CCSER1: variants seen among roughly 807,000 people sequenced by gnomAD.
The protein encoded by CCSER1 is serine-rich coiled-coil domain-containing protein 1.
Under a neutral mutation model 82.0 loss-of-function variants are expected in CCSER1, and 41 were observed. The observed-to-expected ratio is 0.50, with a 90% CI of 0.39 to 0.65. The LOEUF (loss-of-function observed/expected upper bound fraction) is 0.65. Among genes scored for constraint, CCSER1 ranks in the 30% least tolerant of loss-of-function variants. The pLI is 0.00. For missense variants in CCSER1, 1,119 were observed against 1,064.2 expected, an observed-to-expected ratio of 1.05 and a Z score of -0.72; for synonymous variants, 414 against 383.9, an observed-to-expected ratio of 1.08 and a Z score of -0.92.
chr4:91,194,355 A>G (rs560459272), intron 10 of CCSER1, among the ~76,000 whole-genome samples: 2 of 152,348 alleles, frequency 1.3e-5, no homozygotes, highest in South Asian at 2.1e-4. Flanking sequence ...ACTGTAGATG[A>G]CAGTCCTTAT....
intron 4 of CCSER1, among the ~76,000 whole-genome samples, chr4:90,420,432 T>A (rs1199536789): frequency 6.6e-6 from 1 of 152,010 alleles, no homozygotes; most frequent in Non-Finnish European, 1.5e-5. Flanking sequence ...GGTCACATAG[T>A]TTGCTTGTAA....
chr4:90,331,781 G>T (rs1739327577), intron 3 of CCSER1, among the ~76,000 whole-genome samples: 1 of 151,572 alleles, frequency 6.6e-6, no homozygotes, highest in African/African-American at 2.4e-5. Context: ...CCATGAGCCA[G>T]AAACTGGGCA....
At chr4:91,373,731 G>A (rs1310906211) in intron 10 of CCSER1, among the ~76,000 whole-genome samples, 1 of 152,126 alleles carries the variant, frequency 6.6e-6, no homozygotes, top group African/African-American at 2.4e-5. Flanking sequence ...TAAAAAACTA[G>A]TAATTATTAA....
At chr4:90,267,685 C>T (rs759279962) in intron 1 of CCSER1, among the ~76,000 whole-genome samples, 2 of 152,174 alleles carry the variant, frequency 1.3e-5, no homozygotes, top group Admixed American at 6.5e-5. Flanking sequence ...ACAAGAGTCT[C>T]TCCCTGGTCA....
intron 4 of CCSER1, among the ~76,000 whole-genome samples, chr4:90,466,203 GT>G (rs565514568): frequency 9.2e-5 from 14 of 152,216 alleles, no homozygotes; most frequent in Non-Finnish European, 1.8e-4. Context: ...AATAATGTGG[GT>G]AGGCCTCACA....
At chr4:91,175,767 T>G (rs1046641806) in intron 10 of CCSER1, among the ~76,000 whole-genome samples, 6 of 152,240 alleles carry the variant, frequency 3.9e-5, no homozygotes, top group African/African-American at 1.4e-4. Flanking sequence ...TCTCCCATTC[T>G]GTAGGTTGCC....
intron 10 of CCSER1, among the ~76,000 whole-genome samples, chr4:91,181,795 TA>T (rs1734055626): frequency 2.6e-5 from 4 of 152,206 alleles, no homozygotes. Flanking sequence ...TGTTTACAAA[TA>T]GGTTTTTGAG....
intron 10 of CCSER1, among the ~76,000 whole-genome samples, chr4:91,437,442 G>C (rs1365040140): frequency 6.6e-6 from 1 of 152,236 alleles, no homozygotes; most frequent in East Asian, 1.9e-4. Flanking sequence ...ATAATAAATG[G>C]ACCTCCAGAG....
At chr4:91,473,389 A>C (rs1255013092) in intron 10 of CCSER1, among the ~76,000 whole-genome samples, 1 of 152,134 alleles carries the variant, frequency 6.6e-6, no homozygotes. Context: ...CACAGTAGAA[A>C]TCACAAAAGA....
In CCSER1 at chr4:91,099,774, G is replaced by A. The variant is rs1388963367; in HGVS notation, c.2217+13780G>A. 3.3e-5 allele frequency among the ~76,000 whole-genome samples: 5 copies of A among 152,164 alleles called. No individual in the cohort carries two copies. The East Asian group carries it at 9.6e-4, about 29-fold the overall frequency. On this transcript the variant is annotated intron_variant, in intron 10 of 10. Coordinates refer to ENST00000509176, the MANE Select transcript of CCSER1 (RefSeq NM_001145065.2). The stretch of plus-strand genomic sequence containing the variant: ...GGGATGACAGAAAGGAAGTGTTCAG[G>A]TTAAGATAAAAGACTGTGGAGACCA...
intron 10 of CCSER1, among the ~76,000 whole-genome samples, chr4:91,102,897 T>G (rs1222804214): frequency 3.3e-5 from 5 of 152,246 alleles, no homozygotes; most frequent in Non-Finnish European, 5.9e-5. Context: ...TAGAAGCTAA[T>G]TGCCACCTCA....
intron 10 of CCSER1, among the ~76,000 whole-genome samples, chr4:91,531,677 T>C (rs576363315): frequency 2.5e-4 from 38 of 152,258 alleles, no homozygotes; most frequent in Non-Finnish European, 4.1e-4. Flanking sequence ...AAGTCCAAGA[T>C]CAAAACAATT....
intron 1 of CCSER1, among the ~76,000 whole-genome samples, chr4:90,166,481 C>G (rs959782682): frequency 1.3e-5 from 2 of 151,774 alleles, no homozygotes; most frequent in African/African-American, 4.8e-5. Context: ...ATAGCACCCT[C>G]AAGGAGGTAT....
intron 3 of CCSER1, among the ~76,000 whole-genome samples, chr4:90,348,359 T>C (rs767742302): frequency 6.6e-6 from 1 of 152,228 alleles, no homozygotes; most frequent in Non-Finnish European, 1.5e-5. Context: ...TGTGTACGTA[T>C]TTGAAATCAT....
intron 6 of CCSER1, among the ~76,000 whole-genome samples, chr4:90,640,213 G>T (rs1028859535): frequency 6.6e-6 from 1 of 152,146 alleles, no homozygotes; most frequent in African/African-American, 2.4e-5. Flanking sequence ...AACTTGGATA[G>T]TCAAAGCCTA....
intron 5 of CCSER1, among the ~76,000 whole-genome samples, chr4:90,513,644 T>C (rs1490646181): frequency 6.6e-6 from 1 of 152,142 alleles, no homozygotes; most frequent in Non-Finnish European, 1.5e-5. Flanking sequence ...CTGAAATCTT[T>C]GTTGAAAGAT....
intron 4 of CCSER1, among the ~76,000 whole-genome samples, chr4:90,429,693 G>C (rs1360758332): frequency 4.6e-5 from 7 of 151,700 alleles, no homozygotes; most frequent in Admixed American, 4.6e-4. Context: ...AAGACTTATA[G>C]TTCAGAAAAT....
intron 9 of CCSER1, among the ~76,000 whole-genome samples, chr4:91,011,548 A>G (rs1037437126): frequency 7.4e-6 from 1 of 134,308 alleles, no homozygotes; most frequent in African/African-American, 2.5e-5. Flanking sequence ...TCACAGAGCC[A>G]AAGTCTCTGA....
intron 5 of CCSER1, among the ~76,000 whole-genome samples, chr4:90,488,794 A>G (rs548804373): frequency 6.6e-6 from 1 of 152,196 alleles, no homozygotes; most frequent in Admixed American, 6.6e-5. Flanking sequence ...GGTAATTTTC[A>G]TAAGATTATA....
Sources: gnomAD v4.1 joint callset for allele counts (sites outside exome capture counted in the v4.1 genomes callset) on GRCh38, gnomAD v4.1.1 for gene constraint, MANE v1.5 for transcripts, NCBI Gene and HGNC (gene_info 2026-07-23, HGNC 2026-07-21) for gene names.